Variants in PGD observed in about 807,000 individuals in gnomAD.
PGD encodes the protein 6-phosphogluconate dehydrogenase, decarboxylating.
In PGD, 21 loss-of-function variants were observed where a neutral mutation model predicts 60.4. The ratio of observed to expected loss-of-function variants is 0.35; its 90% CI spans 0.25 to 0.50. The LOEUF is 0.50. Ranked by LOEUF, PGD falls within the 20% of genes least tolerant of loss-of-function variation. PGD has a pLI of 0.98. For synonymous variants in PGD, 230 were observed against 235.9 expected, an observed-to-expected ratio of 0.97 and a Z score of 0.23; for missense variants, 477 against 613.1, an observed-to-expected ratio of 0.78 and a Z score of 2.34.
chr1:10,407,936 G>A (rs1429381080), intron 5 of PGD, 135 bp from the exon 6 acceptor site: 2 of 673,302 alleles, frequency 3.0e-6, no homozygotes, highest in African/African-American at 1.8e-5. Context: ...GTGACAACGT[G>A]AGACCCTGTC....
intron 6 of PGD, among the ~76,000 whole-genome samples, chr1:10,409,414 A>C (rs952778186): frequency 6.6e-6 from 1 of 152,054 alleles, no homozygotes; most frequent in Non-Finnish European, 1.5e-5. Flanking sequence ...CATTAGTGTG[A>C]AGGATTGGAA....
At chr1:10,399,873 G>A (rs1639286245) in intron 2 of PGD, 169 bp downstream of exon 2, 2 of 634,556 alleles carry the variant, frequency 3.2e-6, no homozygotes, top group East Asian at 2.8e-5. Context: ...GGCGTGGGCG[G>A]GCCGATCCCG....
chr1:10,400,736 G>A (rs1639302606), intron 3 of PGD, among the ~76,000 whole-genome samples, 164 bp downstream of exon 3: 2 of 151,636 alleles, frequency 1.3e-5, no homozygotes, highest in African/African-American at 4.9e-5. Context: ...CTTGATAAGC[G>A]CTTATGAAGT....
At chr1:10,402,352 G>A (rs1639329313) in intron 3 of PGD, among the ~76,000 whole-genome samples, 1 of 151,832 alleles carries the variant, frequency 6.6e-6, no homozygotes, top group Non-Finnish European at 1.5e-5. Flanking sequence ...TTACAGGTGT[G>A]AGCCACTGAG....
chr1:10,400,713 C>A, intron 3 of PGD, 141 bp downstream of exon 3: 1 of 651,748 alleles, frequency 1.5e-6, no homozygotes, highest in Non-Finnish European at 2.6e-6. Context: ...TTAACTGTTG[C>A]AGTGTTGGTT....
At chr1:10,411,059 A>G (rs1178925492) in intron 6 of PGD, among the ~76,000 whole-genome samples, 1 of 152,134 alleles carries the variant, frequency 6.6e-6, no homozygotes, top group Non-Finnish European at 1.5e-5. Context: ...ACTTTGGGAA[A>G]AAGAGGACTT....
intron 3 of PGD, 40 bp downstream of exon 3, chr1:10,400,612 GCTGT>G: frequency 6.6e-7 from 1 of 1,520,480 alleles, no homozygotes; most frequent in Middle Eastern, 1.7e-4. Context: ...CACGATAGCA[GCTGT>G]TTTTGGTTTC....
At chr1:10,419,070 A>G (rs1639645522) in intron 11 of PGD, 145 bp downstream of exon 11, 4 of 595,902 alleles carry the variant, frequency 6.7e-6, no homozygotes, top group South Asian at 2.0e-5. Context: ...GTACAGTGGC[A>G]TGATCTTGGC....
intron 8 of PGD, 99 bp downstream of exon 8, chr1:10,413,350 C>G (rs1241768270): frequency 9.3e-7 from 1 of 1,074,572 alleles, no homozygotes; most frequent in Non-Finnish European, 1.3e-6. Flanking sequence ...CTCTTCAGCC[C>G]TCTTTAGCTT....
rs752594674 is a variant in PGD, at chr1:10,413,178, C to T, written c.771C>T (p.Ser257=). 23 of 1,614,160 alleles carry T rather than the reference C, an allele frequency of 1.4e-5. No individual in the cohort carries two copies. Among genetic ancestry groups the T allele is most frequent in the South Asian group, 4.4e-5 (4 of 91,088 alleles). ...ACCTGCTGCCAAAGATCAGGGACAG[C>T]GCGGGGCAGAAGGGCACAGGGAAGT... ...GKHLLPKIRD[S]AGQKGTGKWT... is the part of the protein sequence containing the mutation. The change falls in exon 8 of 13, where the codon AGC becomes AGT. Residue 257 remains serine (S), a synonymous_variant. Transcript: ENST00000270776.
In PGD at chr1:10,419,953, C is replaced by A; in HGVS notation, c.*204C>A. On this transcript the variant is annotated 3_prime_UTR_variant, in exon 13 of 13. Transcript: ENST00000270776. ...CTCTGCCCTTGCCTCTTGGGACTGA[C>A]CAGGAGCTGCTCATGTGCGTGAGAG... 1.7e-6 allele frequency: 1 copy of A among 582,234 alleles called. No individual in the cohort carries two copies. The highest frequency in any genetic ancestry group is 2.0e-5 in the South Asian group (1 of 50,750). The allele number at this position is 582,234 out of a possible 1,614,324, so 36.1% of individuals were successfully genotyped here.
chr1:10,408,844 C>G (rs563273863), intron 6 of PGD, among the ~76,000 whole-genome samples: 11 of 152,308 alleles, frequency 7.2e-5, no homozygotes, highest in African/African-American at 2.6e-4. Flanking sequence ...CCTGGACTCT[C>G]AAGTCATCTG....
intron 8 of PGD, among the ~76,000 whole-genome samples, chr1:10,416,376 T>C (rs1222588322): frequency 2.0e-5 from 3 of 152,262 alleles, no homozygotes; most frequent in Non-Finnish European, 2.9e-5. Flanking sequence ...GTTTTAGTTA[T>C]CAAATTAACT....
chr1:10,414,497 C>G (rs1639560895), intron 8 of PGD, among the ~76,000 whole-genome samples: 1 of 151,918 alleles, frequency 6.6e-6, no homozygotes, highest in Admixed American at 6.6e-5. Context: ...GCCTCAGCCT[C>G]CCGAGTAGCT....
intron 6 of PGD, among the ~76,000 whole-genome samples, chr1:10,410,453 A>G (rs1440564678): frequency 1.3e-5 from 2 of 151,766 alleles, no homozygotes; most frequent in Non-Finnish European, 2.9e-5. Context: ...AAAAAAAAAA[A>G]GAAACACGGA....
chr1:10,400,654 T>A, intron 3 of PGD, 82 bp downstream of exon 3: 2 of 1,099,238 alleles, frequency 1.8e-6, no homozygotes, highest in Non-Finnish European at 1.3e-6. Context: ...CTTTTAACTC[T>A]AGAGATTTTT....
At chr1:10,414,168 CGTT>C (rs1294518333) in intron 8 of PGD, among the ~76,000 whole-genome samples, 1 of 152,142 alleles carries the variant, frequency 6.6e-6, no homozygotes, top group African/African-American at 2.4e-5. Context: ...TTTGAGTCCT[CGTT>C]GTTTTGCTAA....
intron 8 of PGD, among the ~76,000 whole-genome samples, chr1:10,415,718 T>C (rs1239871723): frequency 1.3e-5 from 2 of 152,222 alleles, no homozygotes; most frequent in Non-Finnish European, 2.9e-5. Context: ...AATAAAGTCC[T>C]CTGTTAGTTC....
chr1:10,399,782 AC>A (rs1639283843), intron 2 of PGD, 78 bp downstream of exon 2: 2 of 1,229,708 alleles, frequency 1.6e-6, no homozygotes, highest in Non-Finnish European at 2.4e-6. Context: ...TTGGGAGCTT[AC>A]GGGTCTCCTG....
Sources: gnomAD v4.1 joint callset for allele counts (sites outside exome capture counted in the v4.1 genomes callset) on GRCh38, gnomAD v4.1.1 for gene constraint, MANE v1.5 for transcripts, NCBI Gene and HGNC (gene_info 2026-07-23, HGNC 2026-07-21) for gene names.